GPC5: variants seen among roughly 807,000 people sequenced by gnomAD.
GPC5 encodes glypican 5, also known as glypican-5.
Under a neutral mutation model 53.9 loss-of-function variants are expected in GPC5, and 47 were observed. The observed-to-expected ratio is 0.87, with a 90% CI of 0.69 to 1.11. The LOEUF is 1.11. Among genes scored for constraint, GPC5 ranks in the 50% most tolerant of loss-of-function variants. The probability of loss-of-function intolerance (pLI) is 0.00; values close to 1 mark genes in which losing one functional copy is unlikely to be tolerated. For missense variants in GPC5, 748 were observed against 713.1 expected (o/e 1.05, Z -0.56); for synonymous variants, 286 against 263.3 (o/e 1.09, Z -0.84).
intron 7 of GPC5, among the ~76,000 whole-genome samples, chr13:92,773,753 A>G (rs1875695335): frequency 6.6e-6 from 1 of 152,118 alleles, no homozygotes; most frequent in Non-Finnish European, 1.5e-5. Context: ...GTATTCCTTG[A>G]TCTTGAATTT....
intron 6 of GPC5, among the ~76,000 whole-genome samples, chr13:92,051,732 G>A (rs74959495): frequency 0.023 from 3,533 of 152,322 alleles, 84 homozygotes; most frequent in Middle Eastern, 0.031. Context: ...GGATAACAAA[G>A]TGAAGGTAAG....
chr13:92,753,040 C>T (rs1356564776), intron 7 of GPC5, among the ~76,000 whole-genome samples: 1 of 152,324 alleles, frequency 6.6e-6, no homozygotes. Flanking sequence ...GGGGGCAGGG[C>T]ACAGACAAAC....
chr13:92,410,634 T>C (rs1041711569), intron 7 of GPC5, among the ~76,000 whole-genome samples: 1 of 152,216 alleles, frequency 6.6e-6, no homozygotes, highest in Non-Finnish European at 1.5e-5. Flanking sequence ...AAGACGATGA[T>C]TGAGAACTGT....
chr13:92,113,671 A>G (rs542711203), intron 6 of GPC5, among the ~76,000 whole-genome samples: 1 of 152,306 alleles, frequency 6.6e-6, no homozygotes, highest in Admixed American at 6.5e-5. Flanking sequence ...TATACAAGAA[A>G]TCATAAATGA....
intron 2 of GPC5, among the ~76,000 whole-genome samples, chr13:91,574,046 G>C (rs988421760): frequency 6.6e-6 from 1 of 152,070 alleles, no homozygotes; most frequent in Non-Finnish European, 1.5e-5. Context: ...TTATCACCAA[G>C]GGTAATTATT....
intron 7 of GPC5, among the ~76,000 whole-genome samples, chr13:92,431,674 T>C (rs574799540): frequency 1.3e-5 from 2 of 152,078 alleles, no homozygotes; most frequent in African/African-American, 4.8e-5. Flanking sequence ...ATCGGAGAGG[T>C]TTAGCAGAGG....
chr13:92,760,960 C>T (rs951699827), intron 7 of GPC5, among the ~76,000 whole-genome samples: 9 of 151,934 alleles, frequency 5.9e-5, no homozygotes, highest in African/African-American at 1.7e-4. Flanking sequence ...GTGAATTTTC[C>T]AAAATTCTTC....
intron 7 of GPC5, among the ~76,000 whole-genome samples, chr13:92,252,807 T>C (rs1295221648): frequency 6.6e-6 from 1 of 152,108 alleles, no homozygotes; most frequent in Non-Finnish European, 1.5e-5. Flanking sequence ...GAGTTAACAC[T>C]CCTAAAAACA....
chr13:91,403,736 T>C (rs547499336), intron 1 of GPC5, among the ~76,000 whole-genome samples: 29 of 152,300 alleles, frequency 1.9e-4, no homozygotes, highest in African/African-American at 7.0e-4. Flanking sequence ...TCTAAGAGAA[T>C]CACGTGTTTC....
chr13:92,850,129 A>T (rs1056676076), intron 7 of GPC5, among the ~76,000 whole-genome samples: 1 of 152,130 alleles, frequency 6.6e-6, no homozygotes, highest in African/African-American at 2.4e-5. Context: ...TTTTTAACAA[A>T]AACTTAAATT....
At chr13:91,919,813 G>A (rs530224034) in intron 6 of GPC5, among the ~76,000 whole-genome samples, 5 of 152,252 alleles carry the variant, frequency 3.3e-5, no homozygotes, top group Non-Finnish European at 7.4e-5. Context: ...GAAGGAAATA[G>A]ATAAACTAAA....
intron 5 of GPC5, among the ~76,000 whole-genome samples, chr13:91,764,867 G>T (rs759321913): frequency 1.2e-4 from 18 of 152,162 alleles, no homozygotes; most frequent in Non-Finnish European, 2.5e-4. Context: ...GTAATTTTAT[G>T]ATCTCTCATT....
intron 6 of GPC5, among the ~76,000 whole-genome samples, chr13:92,002,582 CAT>C (rs1216450623): frequency 6.6e-6 from 1 of 152,022 alleles, no homozygotes; most frequent in African/African-American, 2.4e-5. Context: ...AGACTGGAAA[CAT>C]AAGGGATACA....
chr13:91,467,860 T>C (rs879828539), intron 2 of GPC5, among the ~76,000 whole-genome samples: 5 of 152,202 alleles, frequency 3.3e-5, no homozygotes, highest in Non-Finnish European at 7.3e-5. Flanking sequence ...AGTGTTATTT[T>C]CATTTTGTTT....
chr13:92,454,526 C>T (rs1420882063), intron 7 of GPC5, among the ~76,000 whole-genome samples: 1 of 152,096 alleles, frequency 6.6e-6, no homozygotes. Context: ...CACATTAATC[C>T]TCATAATAAA....
intron 7 of GPC5, among the ~76,000 whole-genome samples, chr13:92,837,281 A>G (rs921509472): frequency 6.6e-6 from 1 of 152,204 alleles, no homozygotes; most frequent in Admixed American, 6.5e-5. Flanking sequence ...CCTCCACTTC[A>G]CTGTGGGATG....
intron 6 of GPC5, among the ~76,000 whole-genome samples, chr13:92,095,271 C>T (rs1692854059): frequency 6.6e-6 from 1 of 152,104 alleles, no homozygotes; most frequent in Non-Finnish European, 1.5e-5. Context: ...TACCAATTCT[C>T]CTTTTTTCGT....
intron 7 of GPC5, among the ~76,000 whole-genome samples, chr13:92,175,897 T>C (rs1402285614): frequency 6.6e-6 from 1 of 152,188 alleles, no homozygotes; most frequent in Non-Finnish European, 1.5e-5. Flanking sequence ...TCTCCTCATA[T>C]AGAAGAATCT....
At chr13:91,428,104 A>G (rs1380548872) in intron 1 of GPC5, among the ~76,000 whole-genome samples, 1 of 152,130 alleles carries the variant, frequency 6.6e-6, no homozygotes, top group Non-Finnish European at 1.5e-5. Context: ...GACTAACACA[A>G]TGTGTTTATT....
Sources: gnomAD v4.1 joint callset for allele counts (sites outside exome capture counted in the v4.1 genomes callset) on GRCh38, gnomAD v4.1.1 for gene constraint, MANE v1.5 for transcripts, NCBI Gene and HGNC (gene_info 2026-07-23, HGNC 2026-07-21) for gene names.